The following CNBD1 variants were observed in gnomAD, a reference collection of about 807,000 sequenced individuals.
CNBD1 encodes the protein cyclic nucleotide-binding domain-containing protein 1.
Under a neutral mutation model 54.4 loss-of-function variants are expected in CNBD1, and 71 were observed. The ratio of observed to expected loss-of-function variants is 1.30; its 90% CI spans 1.08 to 1.59. The LOEUF (loss-of-function observed/expected upper bound fraction) is 1.59. Among genes scored for constraint, CNBD1 ranks in the 40% most tolerant of loss-of-function variants. The pLI is 0.00. For synonymous variants in CNBD1, 182 were observed against 170.7 expected, an observed-to-expected ratio of 1.07 and a Z score of -0.51; for missense variants, 659 against 518.0, an observed-to-expected ratio of 1.27 and a Z score of -2.64.
intron 5 of CNBD1, among the ~76,000 whole-genome samples, chr8:87,218,307 G>A (rs74375314): frequency 0.021 from 3,228 of 152,088 alleles, 107 homozygotes; most frequent in African/African-American, 0.07. Context: ...ACTTTAATAC[G>A]CAGTACTGAT....
downstream of CNBD1, among the ~76,000 whole-genome samples, chr8:87,387,609 G>A (rs1203677721): frequency 1.3e-5 from 2 of 152,138 alleles, no homozygotes; most frequent in Non-Finnish European, 2.9e-5. Flanking sequence ...CATAAAGCAA[G>A]TCCTTAGAGA....
At chr8:87,090,226 C>T (rs542069539) in intron 4 of CNBD1, among the ~76,000 whole-genome samples, 28 of 152,214 alleles carry the variant, frequency 1.8e-4, no homozygotes, top group Admixed American at 3.3e-4. Flanking sequence ...GGACAATACA[C>T]GTTTTATAAA....
chr8:87,153,958 A>G (rs574175458), intron 4 of CNBD1, among the ~76,000 whole-genome samples: 1 of 152,284 alleles, frequency 6.6e-6, no homozygotes, highest in East Asian at 1.9e-4. Flanking sequence ...AGAGACAAGT[A>G]GTGGCACGGA....
intron 6 of CNBD1, among the ~76,000 whole-genome samples, chr8:87,254,846 T>A (rs918098133): frequency 6.6e-6 from 1 of 152,196 alleles, no homozygotes; most frequent in Non-Finnish European, 1.5e-5. Context: ...TTGAGGCTAC[T>A]GTAATAGAAA....
chr8:87,265,184 G>A (rs1002247138), intron 6 of CNBD1, among the ~76,000 whole-genome samples: 2 of 152,058 alleles, frequency 1.3e-5, no homozygotes, highest in Non-Finnish European at 2.9e-5. Flanking sequence ...TGTATAAGGT[G>A]TAAGGAAGGG....
chr8:86,983,816 T>C (rs934524765), intron 4 of CNBD1, among the ~76,000 whole-genome samples: 2 of 152,188 alleles, frequency 1.3e-5, no homozygotes, highest in Admixed American at 1.3e-4. Flanking sequence ...TTCAGTTTTA[T>C]AAGGGAAGAA....
chr8:87,231,015 G>C (rs1159885539), intron 5 of CNBD1, among the ~76,000 whole-genome samples: 1 of 152,136 alleles, frequency 6.6e-6, no homozygotes, highest in East Asian at 1.9e-4. Context: ...ATTCATGGCA[G>C]ACGGCGAAAT....
intron 1 of CNBD1, among the ~76,000 whole-genome samples, chr8:86,882,365 A>G (rs1262909377): frequency 6.6e-6 from 1 of 152,248 alleles, no homozygotes; most frequent in Non-Finnish European, 1.5e-5. Flanking sequence ...GGCAAAGGAC[A>G]TGAACAGACA....
At chr8:87,113,868 G>A (rs1011795113) in intron 4 of CNBD1, among the ~76,000 whole-genome samples, 8 of 151,480 alleles carry the variant, frequency 5.3e-5, no homozygotes, top group African/African-American at 1.5e-4. Context: ...GCAGTGAGCC[G>A]AGATCGCGCC....
At position 87,053,877 on chromosome 8, in the gene CNBD1, A is replaced by G. The variant is rs148257915; in HGVS notation, c.431+114123A>G. ...AGACTAAAGTACTCATTCCTAAACA[A>G]TGGGTCCGATTGGCTTCCAAACATA... On this transcript the variant is annotated intron_variant, in intron 4 of 10. Transcript: ENST00000518476. Among the ~76,000 whole-genome samples, 642 of 152,338 alleles carry G rather than the reference A, an allele frequency of 4.2e-3. 3 individuals carry two copies. Among genetic ancestry groups the G allele is most frequent in the Non-Finnish European group, 5.2e-3 (354 of 68,040 alleles).
rs146233398 is a variant in CNBD1 at position 86,874,016 on chromosome 8, T to C, written c.88+7433T>C. Among the ~76,000 whole-genome samples, 54 of 152,312 alleles carry C rather than the reference T, an allele frequency of 3.5e-4. 1 individual carries two copies. Among genetic ancestry groups the C allele is most frequent in the African/African-American group, 1.3e-3 (52 of 41,562 alleles). On this transcript the variant is annotated intron_variant, in intron 1 of 10. Coordinates refer to ENST00000518476, the MANE Select transcript of CNBD1 (RefSeq NM_173538.3). ...ATCCTTGGACCCCATTCAAATTTGGTCAGTTGTTCTGATAATGTCCTTTCT... is the reference window on the plus strand; with the variant it reads ...ATCCTTGGACCCCATTCAAATTTGGCCAGTTGTTCTGATAATGTCCTTTCT...
chr8:87,347,130 C>G (rs1313638953), intron 8 of CNBD1, among the ~76,000 whole-genome samples: 1 of 152,174 alleles, frequency 6.6e-6, no homozygotes, highest in East Asian at 1.9e-4. Context: ...TTCTTACCCA[C>G]CGCCAGACAG....
chr8:87,141,190 A>G (rs1326259775), intron 4 of CNBD1, among the ~76,000 whole-genome samples: 1 of 152,172 alleles, frequency 6.6e-6, no homozygotes, highest in Non-Finnish European at 1.5e-5. Context: ...TCATTTAGCT[A>G]TATAAGTACC....
intron 8 of CNBD1, among the ~76,000 whole-genome samples, chr8:87,292,139 TCTC>T (rs1240118904): frequency 6.6e-6 from 1 of 152,212 alleles, no homozygotes; most frequent in African/African-American, 2.4e-5. Context: ...TATTGATAAA[TCTC>T]CTGATTAAAA....
intron 4 of CNBD1, among the ~76,000 whole-genome samples, chr8:87,186,640 T>C (rs1813481339): frequency 6.6e-6 from 1 of 152,062 alleles, no homozygotes; most frequent in Non-Finnish European, 1.5e-5. Context: ...CACAATATAA[T>C]GTACCTACTT....
chr8:87,357,715 G>C (rs1196528409), intron 10 of CNBD1, among the ~76,000 whole-genome samples: 1 of 152,148 alleles, frequency 6.6e-6, no homozygotes, highest in Admixed American at 6.6e-5. Context: ...AATGAGTTAA[G>C]ACCAGGGGAC....
intron 9 of CNBD1, among the ~76,000 whole-genome samples, chr8:87,353,292 C>T (rs1224333018): frequency 6.6e-6 from 1 of 152,120 alleles, no homozygotes; most frequent in Non-Finnish European, 1.5e-5. Flanking sequence ...ATGTAACAAA[C>T]AGTGGTTGAC....
chr8:87,413,346 A>C (rs76117044), intron 2 of CNBD1, among the ~76,000 whole-genome samples: 1,631 of 152,176 alleles, frequency 0.011, 38 homozygotes, highest in African/African-American at 0.037. Flanking sequence ...TTTTAAAATG[A>C]TTCAAGTCTT....
Position 86,939,726 on chromosome 8 carries a change from G to T in CNBD1, c.403G>T (p.Glu135Ter). Residue 135 changes from glutamate to a stop codon, truncating the protein, a stop_gained, in exon 4 of 11, where the codon GAA (glutamate) becomes TAA (stop). Transcript: ENST00000518476. LOFTEE classifies it high-confidence loss of function. ...YRPKRATEKF[E>*]EFLAILKKLP... ...ACCAAAAAGAGCCACAGAGAAATTT[G>T]AAGAATTCCTAGCTATCTTAAAGAA... 3.2e-6 allele frequency: 5 copies of T among 1,578,012 alleles called. No homozygotes were observed. In the East Asian group the frequency reaches 1.1e-4, roughly 36 times the overall value.
Sources: gnomAD v4.1 joint callset for allele counts (sites outside exome capture counted in the v4.1 genomes callset) on GRCh38, gnomAD v4.1.1 for gene constraint, MANE v1.5 for transcripts, NCBI Gene and HGNC (gene_info 2026-07-23, HGNC 2026-07-21) for gene names.